RBFOX3: variants seen among roughly 807,000 people sequenced by gnomAD.
The protein encoded by RBFOX3 is RNA binding fox-1 homolog 3, also known as RNA binding protein fox-1 homolog 3.
A neutral mutation model predicts 48.7 loss-of-function variants in RBFOX3; 17 were observed. That is an observed-to-expected ratio of 0.35 (90% CI 0.24 to 0.52). RBFOX3 has a LOEUF of 0.52. Ranked by LOEUF, RBFOX3 falls within the 20% of genes least tolerant of loss-of-function variation. The probability of loss-of-function intolerance (pLI) is 0.94; values close to 1 mark genes in which losing one functional copy is unlikely to be tolerated. For missense variants in RBFOX3, 382 were observed against 497.5 expected, an observed-to-expected ratio of 0.77 and a Z score of 2.21; for synonymous variants, 212 against 209.5, an observed-to-expected ratio of 1.01 and a Z score of -0.10.
At chr17:79,120,727 T>TGGGTGGATGGAAGGGGGGGA in intron 4 of RBFOX3, among the ~76,000 whole-genome samples, 1 of 100,614 alleles carries the variant, frequency 9.9e-6, no homozygotes, top group South Asian at 3.6e-4. Context: ...GAAGGGTGGG[T>TGGGTGGATGGAAGGGGGGGA]GGGTGGATGG....
At chr17:79,561,815 C>T (rs2092240170) in intron 1 of RBFOX3, among the ~76,000 whole-genome samples, 1 of 152,172 alleles carries the variant, frequency 6.6e-6, no homozygotes, top group Admixed American at 6.5e-5. Context: ...CCAAAGCAGG[C>T]TCAGGCTCCC....
chr17:79,244,441 T>A (rs1194594814), intron 3 of RBFOX3, among the ~76,000 whole-genome samples: 1 of 152,120 alleles, frequency 6.6e-6, no homozygotes, highest in Admixed American at 6.5e-5. Context: ...AGCCTCCCAG[T>A]TTGTGGTCAT....
chr17:79,518,584 T>C (rs2085596155), intron 1 of RBFOX3, among the ~76,000 whole-genome samples: 1 of 152,134 alleles, frequency 6.6e-6, no homozygotes, highest in African/African-American at 2.4e-5. Context: ...TGGACGGCTG[T>C]GGGGAAGCCT....
chr17:79,557,090 T>A (rs965755724), intron 1 of RBFOX3, among the ~76,000 whole-genome samples: 2 of 151,316 alleles, frequency 1.3e-5, no homozygotes, highest in African/African-American at 2.4e-5. Context: ...CCAAAAAATA[T>A]AAAAATTAGC....
intron 1 of RBFOX3, chr17:79,600,959 A>G (rs2145340898): frequency 6.6e-6 from 1 of 152,474 alleles, no homozygotes; most frequent in East Asian, 1.9e-4. Context: ...AGGAAGGGGA[A>G]CGCAGGAGAG....
Position 79,119,878 on chromosome 17 carries a change from C to T in RBFOX3, c.-33-4130G>A, listed in dbSNP as rs191545868. Among the ~76,000 whole-genome samples the T allele has an allele frequency of 1.5e-3, 223 of 152,290 alleles. 3 individuals are homozygous for T. The highest frequency in any genetic ancestry group is 0.013 in the East Asian group (67 of 5,182). On this transcript the variant is annotated intron_variant, in intron 4 of 14. Coordinates refer to ENST00000693108, the MANE Select transcript of RBFOX3 (RefSeq NM_001350451.2). ...GGCCGCACTCCTGAACAACAGAGGCCACTTACAACCAATGTTTCCCAGGAG... is the reference window on the plus strand; with the variant it reads ...GGCCGCACTCCTGAACAACAGAGGCTACTTACAACCAATGTTTCCCAGGAG...
At chr17:79,261,043 C>T (rs370107824) in intron 3 of RBFOX3, among the ~76,000 whole-genome samples, 43 of 152,282 alleles carry the variant, frequency 2.8e-4, no homozygotes, top group African/African-American at 1.0e-3. Context: ...CTGTTCCTCG[C>T]TTGCCTTCGA....
chr17:79,581,120 C>T (rs36191030), intron 1 of RBFOX3, among the ~76,000 whole-genome samples: 81,697 of 151,808 alleles, frequency 0.54, 22,828 homozygotes, highest in South Asian at 0.67. Flanking sequence ...TGGTGGCGGG[C>T]GCCTGTAGTC....
intron 2 of RBFOX3, among the ~76,000 whole-genome samples, chr17:79,371,395 G>C (rs1043098033): frequency 2.6e-5 from 4 of 152,228 alleles, no homozygotes; most frequent in Admixed American, 2.6e-4. Context: ...CCTCAGCTGA[G>C]TGCCCATGCT....
At chr17:79,305,552 G>A (rs1332883401) in intron 3 of RBFOX3, among the ~76,000 whole-genome samples, 4 of 152,108 alleles carry the variant, frequency 2.6e-5, no homozygotes, top group East Asian at 1.9e-4. Context: ...AAATGGGCTC[G>A]GCCGCCCCCT....
chr17:79,244,012 T>C (rs1034004806), intron 3 of RBFOX3, among the ~76,000 whole-genome samples: 2 of 152,020 alleles, frequency 1.3e-5, no homozygotes, highest in Non-Finnish European at 2.9e-5. Flanking sequence ...ATCTCAACAA[T>C]CCATAGACAC....
chr17:79,160,980 CAAA>C (rs58561038), intron 4 of RBFOX3, among the ~76,000 whole-genome samples: 17 of 107,278 alleles, frequency 1.6e-4, no homozygotes, highest in Admixed American at 5.1e-4. Context: ...GACTCCATCT[CAAA>C]AAAAAAAAAA....
rs2057999388 is a variant in RBFOX3 at position 79,095,585 on chromosome 17, A to G, written c.937-11T>C. 6.5e-7 allele frequency: 1 copy of G among 1,550,368 alleles called. No individual in the cohort carries two copies. Among genetic ancestry groups the G allele is most frequent in the Admixed American group, 2.0e-5 (1 of 50,938 alleles). On this transcript the variant is annotated splice_polypyrimidine_tract_variant and intron_variant, in intron 12 of 14. Coordinates refer to ENST00000693108, the MANE Select transcript of RBFOX3 (RefSeq NM_001350451.2). ...GGCTGCGTAGCCTCCCTGCAGGGTA[A>G]GTGGGAGGAGAGAGAGCAGAGGGAC... is the stretch of plus-strand genomic sequence containing the variant.
chr17:79,097,760 C>G lies in RBFOX3; in HGVS notation c.569-15G>C. On this transcript the variant is annotated splice_polypyrimidine_tract_variant and intron_variant, in intron 9 of 14. Coordinates refer to ENST00000693108, the MANE Select transcript of RBFOX3 (RefSeq NM_001350451.2). ...TAGCTTCCAGCCTAAAACAAAGGCA[C>G]AGAGACCTAGTCACTGCCTTCCCCG... is the stretch of plus-strand genomic sequence containing the variant. The G allele has an allele frequency of 1.9e-6, 3 of 1,551,278 alleles. No individual in the cohort carries two copies. Among genetic ancestry groups the G allele is most frequent in the Non-Finnish European group, 2.6e-6 (3 of 1,146,824 alleles).
intron 2 of RBFOX3, among the ~76,000 whole-genome samples, chr17:79,359,571 C>G (rs1341038447): frequency 6.6e-6 from 1 of 152,136 alleles, no homozygotes; most frequent in Non-Finnish European, 1.5e-5. Flanking sequence ...CACATTTGAA[C>G]AATTTAGCAG....
At chr17:79,504,850 C>A (rs1342341761) in intron 1 of RBFOX3, among the ~76,000 whole-genome samples, 1 of 152,158 alleles carries the variant, frequency 6.6e-6, no homozygotes, top group African/African-American at 2.4e-5. Context: ...TTCAGCCAAC[C>A]ACAGATATGC....
intron 1 of RBFOX3, among the ~76,000 whole-genome samples, chr17:79,578,939 G>A (rs888399590): frequency 6.6e-6 from 1 of 152,196 alleles, no homozygotes; most frequent in East Asian, 1.9e-4. Context: ...GCCCTGGTTA[G>A]TTACGTTCTC....
chr17:79,579,751 C>A (rs1442670587), intron 1 of RBFOX3, among the ~76,000 whole-genome samples: 2 of 133,158 alleles, frequency 1.5e-5, no homozygotes, highest in Non-Finnish European at 3.2e-5. Flanking sequence ...GAGTCACTGG[C>A]GCCGTGGTGG....
chr17:79,213,988 C>T (rs1193753694), intron 4 of RBFOX3, among the ~76,000 whole-genome samples: 1 of 152,228 alleles, frequency 6.6e-6, no homozygotes, highest in African/African-American at 2.4e-5. Context: ...CCTAAACACT[C>T]AGCGGATCAG....
Sources: allele counts gnomAD v4.1 joint callset (sites outside exome capture counted in the v4.1 genomes callset), GRCh38; gene constraint gnomAD v4.1.1; transcripts MANE v1.5; gene names NCBI Gene and HGNC (gene_info 2026-07-23, HGNC 2026-07-21).